Variants in ACSS1 observed in about 807,000 individuals in gnomAD.
ACSS1 encodes acetyl-coenzyme A synthetase 2-like, mitochondrial.
Under a neutral mutation model 75.3 loss-of-function variants are expected in ACSS1, and 42 were observed. That is an observed-to-expected ratio of 0.56 (90% CI 0.44 to 0.72). ACSS1 has a LOEUF of 0.72. Ranked by LOEUF, ACSS1 falls within the 30% of genes least tolerant of loss-of-function variation. The pLI is 0.00. For missense variants in ACSS1, 782 were observed against 935.7 expected (o/e 0.84, Z 2.14); for synonymous variants, 380 against 376.8 (o/e 1.01, Z -0.10).
intron 2 of ACSS1, among the ~76,000 whole-genome samples, chr20:25,034,971 C>A (rs2088886172): frequency 1.3e-5 from 2 of 152,054 alleles, no homozygotes; most frequent in Admixed American, 1.3e-4. Flanking sequence ...CCACCCACTG[C>A]AAGCTCCGCC....
intron 3 of ACSS1, 51 bp from the exon 4 acceptor site, chr20:25,023,692 C>T (rs1326269565): frequency 1.3e-6 from 2 of 1,506,758 alleles, no homozygotes; most frequent in Middle Eastern, 3.5e-4. Flanking sequence ...CGACTTTAAC[C>T]CTCATAGCTC....
chr20:25,045,567 G>T (rs569323393), intron 2 of ACSS1, among the ~76,000 whole-genome samples: 21 of 152,220 alleles, frequency 1.4e-4, no homozygotes, highest in Non-Finnish European at 2.9e-4. Context: ...TTCTTTAAAG[G>T]GCCCAGGCTG....
rs1568829798 is a variant in ACSS1, at chr20:25,014,031, CCTT to C, written c.1379_1381del (p.Glu460del). The C allele has an allele frequency of 6.2e-7, 1 of 1,613,520 alleles. No individual in the cohort carries two copies. Among genetic ancestry groups the C allele is most frequent in the Non-Finnish European group, 8.5e-7 (1 of 1,179,826 alleles). On this transcript the variant is annotated inframe_deletion, in exon 9 of 14. Coordinates refer to ENST00000323482, the MANE Select transcript of ACSS1 (RefSeq NM_032501.4). ...CGCCATGGCAGGGAGGATTTCCGCC[CCTT>C]CTTCCGAGGGCCGTGGTGCGATGCA...
At chr20:25,016,060 T>A (rs1453956115) in intron 7 of ACSS1, among the ~76,000 whole-genome samples, 1 of 152,192 alleles carries the variant, frequency 6.6e-6, no homozygotes, top group Admixed American at 6.5e-5. Context: ...AGTAGGTGGC[T>A]AAATACAATA....
rs766410829 is a variant in ACSS1 at position 25,014,081 on chromosome 20, T to G, written c.1340-8A>C. ...TGCAGATGCCACCTGTTTCTGCAGG[T>G]ATGACAAGAAAGAAATGCATAATCG... is the stretch of plus-strand genomic sequence containing the variant. On this transcript the variant is annotated splice_region_variant and splice_polypyrimidine_tract_variant and intron_variant, in intron 8 of 13. Coordinates refer to ENST00000323482, the MANE Select transcript of ACSS1 (RefSeq NM_032501.4). 1 of 1,598,222 alleles carries G rather than the reference T, an allele frequency of 6.3e-7. No homozygotes were observed. The highest frequency in any genetic ancestry group is 1.1e-5 in the South Asian group (1 of 89,054).
intron 1 of ACSS1, among the ~76,000 whole-genome samples, chr20:25,055,734 G>C (rs973001066): frequency 6.6e-6 from 1 of 152,162 alleles, no homozygotes; most frequent in Admixed American, 6.5e-5. Flanking sequence ...TTCTTGAGGG[G>C]GTGAGGTGAA....
At chr20:25,039,284 G>A (rs547404431) in intron 2 of ACSS1, among the ~76,000 whole-genome samples, 4 of 152,170 alleles carry the variant, frequency 2.6e-5, no homozygotes, top group Non-Finnish European at 5.9e-5. Flanking sequence ...CCAGCTCCAG[G>A]GGCCTTGCTG....
chr20:25,008,690 G>A (rs2088352965), intron 13 of ACSS1, among the ~76,000 whole-genome samples: 1 of 152,284 alleles, frequency 6.6e-6, no homozygotes, highest in East Asian at 1.9e-4. Flanking sequence ...CCCTGGGTTG[G>A]GGGTCTGCGA....
At chr20:25,031,284 T>G (rs926314713) in intron 2 of ACSS1, 4 of 397,430 alleles carry the variant, frequency 1.0e-5, no homozygotes, top group Non-Finnish European at 1.9e-5. Context: ...AATTCCATCT[T>G]AAAACTAGCA....
chr20:25,051,208 G>A (rs1044893016), intron 1 of ACSS1, among the ~76,000 whole-genome samples: 4 of 152,226 alleles, frequency 2.6e-5, no homozygotes, highest in Middle Eastern at 3.4e-3. Context: ...CAGACCCTGC[G>A]CATCCCCCAA....
chr20:25,041,001 G>A (rs1600340515), intron 2 of ACSS1, among the ~76,000 whole-genome samples: 1 of 152,350 alleles, frequency 6.6e-6, no homozygotes, highest in African/African-American at 2.4e-5. Context: ...GCTCATGCCT[G>A]TAATCCCAGC....
intron 2 of ACSS1, among the ~76,000 whole-genome samples, chr20:25,040,274 A>G (rs140708581): frequency 5.6e-4 from 85 of 152,330 alleles, no homozygotes; most frequent in Admixed American, 2.9e-3. Flanking sequence ...ACACAGCACA[A>G]CACAGGGCAG....
intron 12 of ACSS1, chr20:25,012,301 A>G (rs757218705): frequency 6.0e-4 from 284 of 472,398 alleles, no homozygotes; most frequent in Non-Finnish European, 9.1e-4. Flanking sequence ...TGTCCCCACC[A>G]GATACACCAT....
rs369537761 is a variant in ACSS1 at position 25,012,662 on chromosome 20, G to A, written c.1710C>T (p.Ala570=). ...LGTAEIEDAI[A]DHPAVPESAV... The stretch of plus-strand genomic sequence containing the variant: ...CACTTTCTGGTACTGCAGGGTGGTC[G>A]GCCTGTGTACAACAGAGAACAAAAG... The change falls in exon 12 of 14, where the codon GCC becomes GCT. Residue 570 remains alanine, a splice_region_variant and synonymous_variant. Coordinates refer to ENST00000323482, the MANE Select transcript of ACSS1 (RefSeq NM_032501.4). 6.8e-6 allele frequency: 11 copies of A among 1,614,014 alleles called. No homozygotes were observed. The highest frequency in any genetic ancestry group is 4.0e-5 in the African/African-American group (3 of 74,894).
chr20:25,021,107 G>A (rs1030572341), intron 6 of ACSS1, among the ~76,000 whole-genome samples: 3 of 152,230 alleles, frequency 2.0e-5, no homozygotes, highest in Non-Finnish European at 4.4e-5. Flanking sequence ...ATGCCAAAGC[G>A]ATGGCCTGAG....
At chr20:25,049,657 C>T (rs992783632) in intron 1 of ACSS1, among the ~76,000 whole-genome samples, 3 of 152,182 alleles carry the variant, frequency 2.0e-5, no homozygotes, top group Admixed American at 2.0e-4. Context: ...CAAGAGCAGC[C>T]TGGGGCTGAA....
At chr20:25,056,944 T>C (rs2089250568) in intron 1 of ACSS1, among the ~76,000 whole-genome samples, 2 of 152,122 alleles carry the variant, frequency 1.3e-5, no homozygotes, top group Non-Finnish European at 2.9e-5. Flanking sequence ...TCCCCCTCGG[T>C]GCCCAGTCAG....
intron 3 of ACSS1, among the ~76,000 whole-genome samples, chr20:25,027,592 C>G (rs533918284): frequency 3.4e-4 from 51 of 152,120 alleles, no homozygotes; most frequent in African/African-American, 1.2e-3. Context: ...CTTTGATGAT[C>G]AAACACTTAA....
At chr20:25,057,679 G>GC in intron 1 of ACSS1, 90 bp downstream of exon 1, 1 of 1,346,316 alleles carries the variant, frequency 7.4e-7, no homozygotes, top group Non-Finnish European at 1.0e-6. Context: ...GATCCGCGCT[G>GC]CCCGGGGACG....
Sources: gnomAD v4.1 joint callset for allele counts (sites outside exome capture counted in the v4.1 genomes callset) on GRCh38, gnomAD v4.1.1 for gene constraint, MANE v1.5 for transcripts, NCBI Gene and HGNC (gene_info 2026-07-23, HGNC 2026-07-21) for gene names.